MTUS2: variants seen among roughly 807,000 people sequenced by gnomAD.
MTUS2 encodes the protein microtubule associated scaffold protein 2.
Under a neutral mutation model 114.1 loss-of-function variants are expected in MTUS2, and 40 were observed. The observed-to-expected ratio is 0.35, with a 90% CI of 0.27 to 0.46. The LOEUF is 0.46. Among genes scored for constraint, MTUS2 ranks in the 20% least tolerant of loss-of-function variants. MTUS2 has a pLI of 1.00. For synonymous variants in MTUS2, 688 were observed against 672.0 expected, an observed-to-expected ratio of 1.02 and a Z score of -0.37; for missense variants, 1,679 against 1,705.4, an observed-to-expected ratio of 0.98 and a Z score of 0.27.
intron 5 of MTUS2, among the ~76,000 whole-genome samples, chr13:29,276,372 G>A (rs551330608): frequency 6.6e-6 from 1 of 152,266 alleles, no homozygotes; most frequent in South Asian, 2.1e-4. Flanking sequence ...TCTAATGAAG[G>A]GATCTTACCT....
chr13:28,945,179 T>TCA (rs1882453602), intron 2 of MTUS2, among the ~76,000 whole-genome samples: 1 of 147,180 alleles, frequency 6.8e-6, no homozygotes, highest in Non-Finnish European at 1.5e-5. Context: ...TAGTATTCCA[T>TCA]TATATATATA....
chr13:29,180,014 AG>A (rs1893932063), intron 5 of MTUS2, among the ~76,000 whole-genome samples: 1 of 152,232 alleles, frequency 6.6e-6, no homozygotes, highest in African/African-American at 2.4e-5. Context: ...GTGAAGCGAA[AG>A]CTTTCTCACT....
chr13:29,136,046 G>A (rs546908447), intron 5 of MTUS2, among the ~76,000 whole-genome samples: 1 of 152,274 alleles, frequency 6.6e-6, no homozygotes, highest in African/African-American at 2.4e-5. Context: ...GTTGAGTTAT[G>A]CATCATGGTT....
At chr13:29,258,694 G>A (rs935783173) in intron 5 of MTUS2, among the ~76,000 whole-genome samples, 2 of 152,364 alleles carry the variant, frequency 1.3e-5, no homozygotes, top group South Asian at 2.1e-4. Flanking sequence ...TTTCCTTAGA[G>A]AAGAAGATCT....
At chr13:29,277,938 A>G (rs1481236124) in intron 5 of MTUS2, among the ~76,000 whole-genome samples, 2 of 152,244 alleles carry the variant, frequency 1.3e-5, no homozygotes, top group East Asian at 3.8e-4. Flanking sequence ...AAGATGATTC[A>G]TGATCACAAA....
chr13:29,491,906 A>AGT (rs540129461), intron 11 of MTUS2, among the ~76,000 whole-genome samples: 2 of 99,040 alleles, frequency 2.0e-5, no homozygotes, highest in African/African-American at 8.1e-5. Flanking sequence ...CGTGGCGTGT[A>AGT]GTGTGTGTAT....
chr13:29,369,207 C>G (rs1459484333), intron 8 of MTUS2, among the ~76,000 whole-genome samples: 3 of 152,166 alleles, frequency 2.0e-5, no homozygotes. Context: ...CCAGCTTTTC[C>G]TGGTTCCTCT....
chr13:29,306,958 A>C (rs1310473256), intron 6 of MTUS2: 2 of 546,314 alleles, frequency 3.7e-6, no homozygotes, highest in Non-Finnish European at 3.6e-6. Context: ...TGGCACTGTC[A>C]AGGCTGAGAA....
intron 5 of MTUS2, among the ~76,000 whole-genome samples, chr13:29,228,444 C>G (rs1479805460): frequency 1.3e-5 from 2 of 152,138 alleles, no homozygotes; most frequent in Non-Finnish European, 2.9e-5. Flanking sequence ...TCTCAGCTTC[C>G]TAAGTAGCTG....
rs113801612 is a variant in MTUS2 at position 28,976,002 on chromosome 13, C to T, written c.-242-48455C>T. On this transcript the variant is annotated intron_variant, in intron 2 of 15. Coordinates refer to ENST00000612955, the MANE Select transcript of MTUS2 (RefSeq NM_001033602.4). ...ATTGTCCATTCTGAGGGATAGAGAC[C>T]ACTTCCTGAGGGAGGTGGTGGCAGA... Among the ~76,000 whole-genome samples, 704 of 151,918 alleles carry T rather than the reference C, an allele frequency of 4.6e-3. 3 individuals carry two copies. The highest frequency in any genetic ancestry group is 0.016 in the African/African-American group (664 of 41,434).
chr13:29,433,432 A>G (rs550611154), intron 8 of MTUS2, among the ~76,000 whole-genome samples: 1 of 152,342 alleles, frequency 6.6e-6, no homozygotes, highest in African/African-American at 2.4e-5. Flanking sequence ...TTATACAAAA[A>G]CACAGAGGCC....
intron 7 of MTUS2, among the ~76,000 whole-genome samples, chr13:29,344,722 G>GT (rs1282910727): frequency 2.6e-5 from 4 of 152,038 alleles, no homozygotes; most frequent in South Asian, 2.1e-4. Context: ...CCTTGTTGTT[G>GT]TTTTTTTGTC....
At chr13:29,086,496 A>G (rs1036954605) in intron 4 of MTUS2, among the ~76,000 whole-genome samples, 2 of 152,076 alleles carry the variant, frequency 1.3e-5, no homozygotes, top group African/African-American at 4.8e-5. Flanking sequence ...TTGTTTTTGT[A>G]CCAGTACCAT....
intron 2 of MTUS2, among the ~76,000 whole-genome samples, chr13:28,852,358 C>T (rs2138033670): frequency 6.6e-6 from 1 of 152,178 alleles, no homozygotes; most frequent in Admixed American, 6.5e-5. Flanking sequence ...TTTCCCCACA[C>T]CTTGGATGGG....
At chr13:29,151,010 C>T (rs1423197804) in intron 5 of MTUS2, among the ~76,000 whole-genome samples, 2 of 151,978 alleles carry the variant, frequency 1.3e-5, no homozygotes, top group Middle Eastern at 3.2e-3. Context: ...CCTAAGATTG[C>T]TTTGGTTATT....
rs1287887125 is a variant in MTUS2 at position 29,480,160 on chromosome 13, A to G, written c.3195A>G (p.Thr1065=). 4 of 1,553,646 alleles carry G rather than the reference A, an allele frequency of 2.6e-6. No individual in the cohort carries two copies. The highest frequency in any genetic ancestry group is 3.5e-6 in the Non-Finnish European group (4 of 1,148,018). Residue 1065 remains threonine, a synonymous_variant, in exon 10 of 16, where the codon ACA becomes ACG. Transcript: ENST00000612955. The surrounding 1 kb of genome is among the most constrained non-coding windows in gnomAD (Gnocchi z 4.4). ...GTGCTTTGCGCCCAGCCTTCCATAC[A>G]GCAAAGTGCGAGAAACTACAAAAGG... is the stretch of plus-strand genomic sequence containing the variant. ...ANIRDEVAFH[T]AKCEKLQKEK... is the part of the protein sequence containing the mutation.
intron 2 of MTUS2, among the ~76,000 whole-genome samples, chr13:28,893,632 C>G (rs1319686788): frequency 1.3e-5 from 2 of 152,168 alleles, no homozygotes; most frequent in African/African-American, 4.8e-5. Context: ...AATATAGGAA[C>G]AGAAGCATCC....
At chr13:29,078,992 C>T (rs543341821) in intron 4 of MTUS2, among the ~76,000 whole-genome samples, 1 of 152,316 alleles carries the variant, frequency 6.6e-6, no homozygotes, top group East Asian at 1.9e-4. Flanking sequence ...CAAGAAACTG[C>T]CAGGCTGTTT....
chr13:29,034,466 T>C (rs1886971718), intron 4 of MTUS2, among the ~76,000 whole-genome samples: 1 of 152,184 alleles, frequency 6.6e-6, no homozygotes, highest in African/African-American at 2.4e-5. Flanking sequence ...GGGGTTAATG[T>C]CATAACTGTT....
Sources: gnomAD v4.1 joint callset for allele counts (sites outside exome capture counted in the v4.1 genomes callset) on GRCh38, gnomAD v4.1.1 for gene constraint, Gnocchi (gnomAD v3.1) non-coding constraint, MANE v1.5 for transcripts, NCBI Gene and HGNC (gene_info 2026-07-23, HGNC 2026-07-21) for gene names.